Variants in KSR2 observed in about 807,000 individuals in gnomAD.
The protein encoded by KSR2 is kinase suppressor of ras 2.
Under a neutral mutation model 107.8 loss-of-function variants are expected in KSR2, and 25 were observed. The ratio of observed to expected loss-of-function variants is 0.23; its 90% confidence interval spans 0.17 to 0.32. KSR2 has a LOEUF of 0.32. KSR2 is among the 10% of genes least tolerant of loss of function. The pLI is 1.00. For missense variants in KSR2, 887 were observed against 1,268.9 expected, an observed-to-expected ratio of 0.70 and a Z score of 4.57; for synonymous variants, 480 against 507.0, an observed-to-expected ratio of 0.95 and a Z score of 0.71.
At chr12:117,645,447 C>T (rs1178612157) in intron 5 of KSR2, among the ~76,000 whole-genome samples, 1 of 152,200 alleles carries the variant, frequency 6.6e-6, no homozygotes, top group Admixed American at 6.5e-5. Flanking sequence ...ACAATCCCCA[C>T]TCCTCTGCCC....
At chr12:117,580,945 G>A (rs534940623) in intron 6 of KSR2, among the ~76,000 whole-genome samples, 13 of 152,188 alleles carry the variant, frequency 8.5e-5, no homozygotes, top group Admixed American at 2.0e-4. Flanking sequence ...AGTCCAGGGG[G>A]CACGGTTGAT....
At chr12:117,845,605 C>T (rs933609523) in intron 3 of KSR2, among the ~76,000 whole-genome samples, 1 of 152,080 alleles carries the variant, frequency 6.6e-6, no homozygotes, top group Admixed American at 6.6e-5. Context: ...AAAAACTCTC[C>T]TCTATAATCC....
At chr12:117,878,017 G>A (rs1893914859) in intron 1 of KSR2, among the ~76,000 whole-genome samples, 1 of 152,162 alleles carries the variant, frequency 6.6e-6, no homozygotes, top group South Asian at 2.1e-4. Flanking sequence ...TGGGTGATCT[G>A]ATTAAATGAA....
chr12:117,793,313 ACC>A (rs1890357567), intron 3 of KSR2, among the ~76,000 whole-genome samples: 1 of 129,200 alleles, frequency 7.7e-6, no homozygotes, highest in African/African-American at 3.1e-5. Context: ...ACATGCACAC[ACC>A]CTCACACCAA....
chr12:117,731,031 C>G (rs1323673750), intron 4 of KSR2, among the ~76,000 whole-genome samples: 1 of 151,896 alleles, frequency 6.6e-6, no homozygotes, highest in African/African-American at 2.4e-5. Context: ...AGGAGCACCT[C>G]TTCCCGGCCG....
rs1251581827 is a variant in KSR2, at chr12:117,907,051, T to C, written c.181-46620A>G. 1.3e-5 allele frequency among the ~76,000 whole-genome samples: 2 copies of C among 152,098 alleles called. No homozygotes were observed. The highest frequency in any genetic ancestry group is 3.9e-4 in the East Asian group (2 of 5,178). On this transcript the variant is annotated intron_variant, in intron 1 of 19. Coordinates refer to ENST00000339824, the MANE Select transcript of KSR2 (RefSeq NM_173598.6). The surrounding 1 kb of genome is among the most constrained non-coding windows in gnomAD (Gnocchi z 4.3). The stretch of plus-strand genomic sequence containing the variant: ...TCCAAAACTCTGTATCTCTAACAAG[T>C]GCTTGTGTGATGCTTCTGCTGCTGC...
At chr12:117,910,675 G>A (rs375053416) in intron 1 of KSR2, among the ~76,000 whole-genome samples, 1 of 152,198 alleles carries the variant, frequency 6.6e-6, no homozygotes, top group South Asian at 2.1e-4. Context: ...GCACTCACCT[G>A]TACCCTCTTG....
At chr12:117,565,387 A>G (rs1280123943) in intron 7 of KSR2, among the ~76,000 whole-genome samples, 1 of 152,222 alleles carries the variant, frequency 6.6e-6, no homozygotes, top group African/African-American at 2.4e-5. Flanking sequence ...CTGGCTCCTA[A>G]TATCCAATTG....
rs55772468 is a variant in KSR2 at position 117,686,215 on chromosome 12, AT to A, written c.987-18558del. 9.1e-3 allele frequency among the ~76,000 whole-genome samples: 712 copies of A among 77,952 alleles called. 7 individuals carry two copies. Among genetic ancestry groups the A allele is most frequent in the African/African-American group, 0.044 (650 of 14,620 alleles). The allele number at this position is 77,952 out of a possible 152,430, so 51.1% of individuals were successfully genotyped here. A position where few individuals can be genotyped will look rare whatever the true frequency, so the allele number is the denominator to read the frequency against. On this transcript the variant is annotated intron_variant, in intron 4 of 19. Transcript: ENST00000339824. Reference sequence around the variant, plus strand: ...AGGCACACACCACCACACCCAGCTAATTTTTTTTTTTTTTTTTTTTTTTTTT... The same window carrying A: ...AGGCACACACCACCACACCCAGCTAATTTTTTTTTTTTTTTTTTTTTTTTT...
chr12:117,956,619 T>A (rs1224803632), intron 1 of KSR2, among the ~76,000 whole-genome samples: 2 of 151,204 alleles, frequency 1.3e-5, no homozygotes, highest in Admixed American at 6.6e-5. Context: ...TATTTTATAT[T>A]TTTTTTCCTT....
At chr12:117,480,502 T>C (rs1872113438) in intron 16 of KSR2, among the ~76,000 whole-genome samples, 1 of 152,126 alleles carries the variant, frequency 6.6e-6, no homozygotes, top group African/African-American at 2.4e-5. Flanking sequence ...CGATACCTTT[T>C]CTTGACGACG....
At chr12:117,744,014 G>A (rs1052761546) in intron 4 of KSR2, among the ~76,000 whole-genome samples, 1 of 152,092 alleles carries the variant, frequency 6.6e-6, no homozygotes, top group South Asian at 2.1e-4. Flanking sequence ...TCTGTCACTG[G>A]TCCCAAGCCA....
intron 1 of KSR2, among the ~76,000 whole-genome samples, chr12:117,953,210 G>A (rs1273474061): frequency 6.6e-6 from 1 of 151,276 alleles, no homozygotes; most frequent in African/African-American, 2.5e-5. Flanking sequence ...CAAGGATGTA[G>A]AGAAATTGCT....
In KSR2 at chr12:117,842,670, G is replaced by A. The variant is rs10850908; in HGVS notation, c.472+12758C>T. ...AATAAAAAGAGAAAGTGACTACAGC[G>A]CTGATCAGAGATGACAGCCAGAGAG... is the stretch of plus-strand genomic sequence containing the variant. On this transcript the variant is annotated intron_variant, in intron 3 of 19. Transcript: ENST00000339824. This position sits in a 1 kb window ranked among gnomAD's most constrained non-coding sequence, Gnocchi z 4.2. 0.27 allele frequency among the ~76,000 whole-genome samples: 41,046 copies of A among 152,112 alleles called. 8,562 individuals carry two copies. The highest frequency in any genetic ancestry group is 0.59 in the African/African-American group (24,508 of 41,458).
At chr12:117,936,518 T>TAGTAGTAG (rs1566089508) in intron 1 of KSR2, among the ~76,000 whole-genome samples, 6 of 39,722 alleles carry the variant, frequency 1.5e-4, no homozygotes, top group Admixed American at 3.1e-4. Context: ...TATTTTATTA[T>TAGTAGTAG]TATTATTATT....
chr12:117,651,615 C>T (rs542936178), intron 5 of KSR2, among the ~76,000 whole-genome samples: 5 of 152,132 alleles, frequency 3.3e-5, no homozygotes, highest in South Asian at 2.1e-4. Flanking sequence ...CTTGGTTAGC[C>T]GAAATATGGA....
chr12:117,793,751 T>TACACCAACATGCACACATGCAACATGCAC (rs1449975263), intron 3 of KSR2, among the ~76,000 whole-genome samples: 16 of 119,076 alleles, frequency 1.3e-4, no homozygotes, highest in Non-Finnish European at 2.3e-4. Flanking sequence ...CATGCACATA[T>TACACCAACATGCACACATGCAACATGCAC]ACACCAACAT....
At chr12:117,510,877 C>CAA (rs58668449) in intron 14 of KSR2, among the ~76,000 whole-genome samples, 102 of 103,112 alleles carry the variant, frequency 9.9e-4, no homozygotes, top group African/African-American at 2.8e-3. Context: ...GACCCTGTCT[C>CAA]AAAAAAAAAA....
At chr12:117,467,670 G>A (rs1185334445) in intron 19 of KSR2, among the ~76,000 whole-genome samples, 1 of 152,068 alleles carries the variant, frequency 6.6e-6, no homozygotes, top group South Asian at 2.1e-4. Flanking sequence ...AGAGAGGCAG[G>A]AAGAGGGGGT....
Sources: allele counts gnomAD v4.1 joint callset (sites outside exome capture counted in the v4.1 genomes callset), GRCh38; gene constraint gnomAD v4.1.1; non-coding constraint Gnocchi (gnomAD v3.1); transcripts MANE v1.5; gene names NCBI Gene and HGNC (gene_info 2026-07-23, HGNC 2026-07-21).